Variants in ASCC2 observed in about 807,000 individuals in gnomAD.
ASCC2 encodes the protein activating signal cointegrator 1 complex subunit 2.
Under a neutral mutation model 93.5 loss-of-function variants are expected in ASCC2, and 42 were observed. That is an observed-to-expected ratio of 0.45 (90% CI 0.35 to 0.58). The LOEUF (loss-of-function observed/expected upper bound fraction) is 0.58, where lower values mean the gene tolerates loss of function less well. ASCC2 is among the 20% of genes least tolerant of loss of function. The pLI, the probability that ASCC2 is intolerant of heterozygous loss-of-function variation, is 0.00. For missense variants in ASCC2, 859 were observed against 977.6 expected (o/e 0.88, Z 1.62); for synonymous variants, 364 against 384.2 (o/e 0.95, Z 0.62).
At chr22:29,809,431 C>A (rs1302979082) in intron 8 of ASCC2, among the ~76,000 whole-genome samples, 1 of 152,004 alleles carries the variant, frequency 6.6e-6, no homozygotes, top group African/African-American at 2.4e-5. Flanking sequence ...CTCAAGCGAT[C>A]TTCCTGCCTC....
At position 29,825,005 on chromosome 22, in the gene ASCC2, A is replaced by G; in HGVS notation, c.411+82T>C. On this transcript the variant is annotated intron_variant, in intron 4 of 19. Coordinates refer to ENST00000307790, the MANE Select transcript of ASCC2 (RefSeq NM_032204.5). This position sits in a 1 kb window ranked among gnomAD's most constrained non-coding sequence, Gnocchi z 4.9. ...CAAAGAGGAAACTCAATGCTTCCAG[A>G]GCCTTCCTTCCCAGGGGTGGAGAGC... 1 of 1,237,606 alleles carries G rather than the reference A, an allele frequency of 8.1e-7. No homozygotes were observed. Among genetic ancestry groups the G allele is most frequent in the Non-Finnish European group, 1.1e-6 (1 of 935,708 alleles). 76.7% of individuals were successfully genotyped at this position (1,237,606 alleles called of 1,614,324 possible).
rs539813494 is a variant in ASCC2 at position 29,812,366 on chromosome 22, C to A, written c.833+1064G>T. On this transcript the variant is annotated intron_variant, in intron 8 of 19. Transcript: ENST00000307790. The stretch of plus-strand genomic sequence containing the variant: ...CTTTCACCCTGGCCTGGAATGCCCA[C>A]ACCCACCCCTTTCTTACTGCACAAG... Among the ~76,000 whole-genome samples, 100 of 152,350 alleles carry A rather than the reference C, an allele frequency of 6.6e-4. 2 individuals are homozygous for A. In the South Asian group the frequency reaches 0.021, roughly 31 times the overall value.
At chr22:29,795,857 G>C (rs1192850029) in intron 15 of ASCC2, among the ~76,000 whole-genome samples, 1 of 151,970 alleles carries the variant, frequency 6.6e-6, no homozygotes, top group Non-Finnish European at 1.5e-5. Flanking sequence ...ATCAATATGA[G>C]ATGCCAGGCA....
Position 29,804,663 on chromosome 22 carries a change from T to C in ASCC2, c.1328A>G (p.His443Arg). 3 of 1,614,050 alleles carry C rather than the reference T, an allele frequency of 1.9e-6. No individual in the cohort carries two copies. The highest frequency in any genetic ancestry group is 2.5e-6 in the Non-Finnish European group (3 of 1,179,982). The change falls in exon 13 of 20, where the codon CAT (histidine) becomes CGT (arginine). Residue 443 changes from histidine (H) to arginine (R), a missense_variant. Transcript: ENST00000307790. Reference protein sequence around the residue: ...TAEAVSQASSHPENSEEEECM... With the variant: ...TAEAVSQASSRPENSEEEECM... The stretch of plus-strand genomic sequence containing the variant: ...CTCCTCTTCCTCCGAGTTCTCCGGA[T>C]GTGATGATGCTTGACTGACTGCCTC...
chr22:29,807,892 G>A (rs948976983), intron 9 of ASCC2, among the ~76,000 whole-genome samples: 3 of 151,706 alleles, frequency 2.0e-5, no homozygotes, highest in Admixed American at 2.0e-4. Context: ...CTGGGTGACA[G>A]AGCAAGACCC....
chr22:29,823,617 G>A (rs192280453), intron 4 of ASCC2, among the ~76,000 whole-genome samples: 2,436 of 152,268 alleles, frequency 0.016, 31 homozygotes, highest in Non-Finnish European at 0.024. Flanking sequence ...GGAGGCCGAG[G>A]CAGACGGATC....
At chr22:29,797,320 T>G (rs537164206) in intron 15 of ASCC2, among the ~76,000 whole-genome samples, 3 of 152,256 alleles carry the variant, frequency 2.0e-5, no homozygotes, top group Admixed American at 6.5e-5. Flanking sequence ...AGCCTGTCCT[T>G]CAAGGCCCAA....
chr22:29,828,166 C>A (rs1279472904), intron 2 of ASCC2, among the ~76,000 whole-genome samples: 1 of 152,196 alleles, frequency 6.6e-6, no homozygotes, highest in Non-Finnish European at 1.5e-5. Context: ...TCCTCCAAGG[C>A]TCCAAGCATT....
At chr22:29,806,402 G>A in intron 11 of ASCC2, 83 bp downstream of exon 11, 4 of 1,565,234 alleles carry the variant, frequency 2.6e-6, no homozygotes, top group Non-Finnish European at 3.5e-6. Context: ...GCTGTGGTGG[G>A]CCTATAGCGG....
intron 1 of ASCC2, among the ~76,000 whole-genome samples, chr22:29,837,172 T>A (rs1454472376): frequency 6.6e-6 from 1 of 151,942 alleles, no homozygotes; most frequent in East Asian, 1.9e-4. Context: ...GGCTCACGCC[T>A]GTAATCCCAG....
At chr22:29,835,010 G>A (rs1403207519) in intron 1 of ASCC2, among the ~76,000 whole-genome samples, 1 of 152,072 alleles carries the variant, frequency 6.6e-6, no homozygotes, top group Non-Finnish European at 1.5e-5. Flanking sequence ...ACACAGGGTG[G>A]AGAAAAAGTC....
At position 29,806,422 on chromosome 22, in the gene ASCC2, A is replaced by C. The variant is rs1601938593; in HGVS notation, c.1085+63T>G. 2.4e-5 allele frequency: 38 copies of C among 1,586,556 alleles called. No homozygotes were observed. The East Asian group carries it at 8.5e-4, about 35-fold the overall frequency. On this transcript the variant is annotated intron_variant, in intron 11 of 19. Coordinates refer to ENST00000307790, the MANE Select transcript of ASCC2 (RefSeq NM_032204.5). ...GGTGGGCCTATAGCGGGGGTCTATC[A>C]TGTAAGGCCTCTTGGGGACCTGTGG...
In ASCC2 at chr22:29,802,215, T is replaced by A. The variant is rs747791409; in HGVS notation, c.1354-7A>T. 6.8e-6 allele frequency: 11 copies of A among 1,613,482 alleles called. No homozygotes were observed. Among genetic ancestry groups the A allele is most frequent in the Non-Finnish European group, 9.3e-6 (11 of 1,179,890 alleles). On this transcript the variant is annotated splice_region_variant and splice_polypyrimidine_tract_variant and intron_variant, in intron 13 of 19. Coordinates refer to ENST00000307790, the MANE Select transcript of ASCC2 (RefSeq NM_032204.5). Reference sequence around the variant, plus strand: ...CCGCGGCTGCTCCCATGCACTGTAGTGAGAGCCAGAGCCAAGAAGGGGAAG... The same window carrying A: ...CCGCGGCTGCTCCCATGCACTGTAGAGAGAGCCAGAGCCAAGAAGGGGAAG...
chr22:29,792,344 G>C, intron 18 of ASCC2, 89 bp downstream of exon 18: 1 of 1,567,296 alleles, frequency 6.4e-7, no homozygotes, highest in Non-Finnish European at 8.7e-7. Flanking sequence ...GCTGCCTCAG[G>C]GCCAGACATA....
intron 13 of ASCC2, among the ~76,000 whole-genome samples, chr22:29,804,276 C>A (rs2059421346): frequency 6.6e-6 from 1 of 152,224 alleles, no homozygotes; most frequent in Non-Finnish European, 1.5e-5. Context: ...AACCATGGGA[C>A]TTGGCACTGT....
intron 9 of ASCC2, among the ~76,000 whole-genome samples, chr22:29,807,504 C>A (rs1423176083): frequency 1.3e-5 from 2 of 152,046 alleles, no homozygotes; most frequent in Admixed American, 6.6e-5. Flanking sequence ...AATGCAGGGC[C>A]CAGCCATCAT....
chr22:29,789,246 G>C (rs1475596014), intron 19 of ASCC2, 62 bp from the exon 20 acceptor site: 2 of 1,592,484 alleles, frequency 1.3e-6, no homozygotes, highest in South Asian at 2.2e-5. Context: ...TGGCGGGAGA[G>C]CCCACAGCCT....
intron 12 of ASCC2, among the ~76,000 whole-genome samples, chr22:29,805,446 G>A (rs2059562451): frequency 6.6e-6 from 1 of 152,110 alleles, no homozygotes. Context: ...CCTCACGGTG[G>A]TCCTGGGCCA....
intron 1 of ASCC2, chr22:29,834,466 C>T (rs2063529779): frequency 2.1e-6 from 1 of 470,248 alleles, no homozygotes; most frequent in African/African-American, 2.0e-5. Context: ...TAAGAGAGGA[C>T]CAGTCTGCCT....
Sources: allele counts gnomAD v4.1 joint callset (sites outside exome capture counted in the v4.1 genomes callset), GRCh38; gene constraint gnomAD v4.1.1; non-coding constraint Gnocchi (gnomAD v3.1); transcripts MANE v1.5; gene names NCBI Gene and HGNC (gene_info 2026-07-23, HGNC 2026-07-21).